Variants in ARAP2 observed in about 807,000 individuals in gnomAD.
ARAP2 encodes ArfGAP with RhoGAP domain, ankyrin repeat and PH domain 2.
A neutral mutation model predicts 194.5 loss-of-function variants in ARAP2; 148 were observed. The observed-to-expected ratio is 0.76, with a 90% CI of 0.67 to 0.87. ARAP2 has a LOEUF of 0.87. Among genes scored for constraint, ARAP2 ranks in the 40% least tolerant of loss-of-function variants. ARAP2 has a pLI of 0.00. For missense variants in ARAP2, 2,128 were observed against 1,989.7 expected, an observed-to-expected ratio of 1.07 and a Z score of -1.32; for synonymous variants, 695 against 683.5, an observed-to-expected ratio of 1.02 and a Z score of -0.26.
intron 4 of ARAP2, 134 bp downstream of exon 4, chr4:36,213,109 A>G (rs1747124453): frequency 1.5e-6 from 1 of 682,300 alleles, no homozygotes; most frequent in Non-Finnish European, 2.5e-6. Context: ...CTGAACAAAA[A>G]TTTTGCTGAC....
At chr4:36,202,002 C>A (rs1174911281) in intron 6 of ARAP2, among the ~76,000 whole-genome samples, 1 of 152,118 alleles carries the variant, frequency 6.6e-6, no homozygotes, top group East Asian at 1.9e-4. Flanking sequence ...GAAAAACATA[C>A]TTCTCAAATA....
At chr4:36,014,298 A>AG (rs1479677047) in intron 8 of ARAP2, among the ~76,000 whole-genome samples, 3 of 129,712 alleles carry the variant, frequency 2.3e-5, no homozygotes, top group African/African-American at 9.3e-5. Context: ...AGAAAGAAAG[A>AG]AGAGAAGGAA....
chr4:36,073,889 C>T, intron 31 of ARAP2, 66 bp from the exon 32 acceptor site: 2 of 1,558,680 alleles, frequency 1.3e-6, no homozygotes, highest in Non-Finnish European at 1.7e-6. Context: ...TGTCATAAAG[C>T]CACTTGGTTT....
intron 1 of ARAP2, among the ~76,000 whole-genome samples, chr4:36,060,710 T>C (rs1383899391): frequency 1.3e-5 from 2 of 152,174 alleles, no homozygotes; most frequent in African/African-American, 4.8e-5. Context: ...TGTCAGCAGG[T>C]TTGTTTTCTT....
At chr4:36,055,621 T>C (rs1022918676) in intron 2 of ARAP2, among the ~76,000 whole-genome samples, 35 of 152,284 alleles carry the variant, frequency 2.3e-4, no homozygotes, top group African/African-American at 7.9e-4. Context: ...TGGAGTGCAA[T>C]GGCGTGATCT....
At chr4:36,062,686 TCAA>T (rs1306273382), downstream of ARAP2, among the ~76,000 whole-genome samples, 3 of 151,286 alleles carry the variant, frequency 2.0e-5, no homozygotes, top group Non-Finnish European at 4.4e-5. Context: ...TTGAAAAAAG[TCAA>T]CAAGTTAACA....
chr4:36,171,070 A>T (rs1336889445), intron 9 of ARAP2, among the ~76,000 whole-genome samples: 1 of 152,162 alleles, frequency 6.6e-6, no homozygotes, highest in Non-Finnish European at 1.5e-5. Context: ...GACCAGGTTT[A>T]TTATTCAGGT....
rs145192161 is a variant in ARAP2 at position 36,116,099 on chromosome 4, T to C, written c.4038+962A>G. On this transcript the variant is annotated intron_variant, in intron 25 of 32. Coordinates refer to ENST00000303965, the MANE Select transcript of ARAP2 (RefSeq NM_015230.4). The stretch of plus-strand genomic sequence containing the variant: ...CATTATGCATTCAGTATAAGAAATA[T>C]GACATGGCCAAGGAGTGGCAAGGCA... Among the ~76,000 whole-genome samples, 470 of 152,040 alleles carry C rather than the reference T, an allele frequency of 3.1e-3. 8 individuals are homozygous for C. The highest frequency in any genetic ancestry group is 0.022 in the Admixed American group (333 of 15,258).
chr4:36,168,912 C>A (rs1578150608), intron 9 of ARAP2, among the ~76,000 whole-genome samples: 1 of 152,114 alleles, frequency 6.6e-6, no homozygotes, highest in African/African-American at 2.4e-5. Context: ...TTCCAATCTG[C>A]CGCATTTTAA....
chr4:36,009,776 G>A (rs140421159), intron 9 of ARAP2, among the ~76,000 whole-genome samples: 100 of 124,182 alleles, frequency 8.1e-4, no homozygotes, highest in East Asian at 3.2e-3. Flanking sequence ...TCTGATAGAA[G>A]CCAGGGGATG....
At chr4:36,051,491 T>A (rs1722665790) in intron 3 of ARAP2, among the ~76,000 whole-genome samples, 1 of 151,532 alleles carries the variant, frequency 6.6e-6, no homozygotes, top group South Asian at 2.1e-4. Flanking sequence ...ATAAATAAAT[T>A]AATAAATAAT....
intron 6 of ARAP2, among the ~76,000 whole-genome samples, chr4:36,206,417 C>T (rs1745549710): frequency 6.6e-6 from 1 of 152,202 alleles, no homozygotes. Context: ...AATAAAATAA[C>T]TCCAACCTCC....
intron 2 of ARAP2, among the ~76,000 whole-genome samples, chr4:36,222,781 T>C (rs749324178): frequency 6.6e-6 from 1 of 152,126 alleles, no homozygotes; most frequent in East Asian, 1.9e-4. Context: ...CATACTCTTA[T>C]GTATGTTTGA....
intron 6 of ARAP2, among the ~76,000 whole-genome samples, chr4:36,199,129 G>C (rs1489206872): frequency 6.6e-6 from 1 of 152,194 alleles, no homozygotes; most frequent in Non-Finnish European, 1.5e-5. Context: ...ATGCAGCCCT[G>C]GCCACACCTC....
intron 2 of ARAP2, among the ~76,000 whole-genome samples, chr4:36,228,296 G>C (rs1296453251): frequency 6.6e-6 from 1 of 152,092 alleles, no homozygotes; most frequent in African/African-American, 2.4e-5. Context: ...TACAATACTA[G>C]GTGTGGAAAC....
downstream of ARAP2, among the ~76,000 whole-genome samples, chr4:36,063,512 G>A (rs904823013): frequency 6.6e-6 from 1 of 150,972 alleles, no homozygotes; most frequent in Non-Finnish European, 1.5e-5. Context: ...GACCATGGAC[G>A]AAGCAGCTCC....
At chr4:36,044,409 C>T (rs992074756) in intron 5 of ARAP2, among the ~76,000 whole-genome samples, 1 of 152,020 alleles carries the variant, frequency 6.6e-6, no homozygotes, top group Non-Finnish European at 1.5e-5. Context: ...AATATGGTGT[C>T]AAGAGAGGGA....
chr4:36,107,692 C>T lies in ARAP2; in HGVS notation c.4158G>A (p.Glu1386=). The part of the protein sequence containing the change: ...TFEVIENEEL[E]RPLHYKENVL... Reference sequence around the variant, plus strand: ...CATTTTCCTTGTAGTGAAGAGGACGCTCTGTAAAAAATAAATTCCAAATCA... The same window carrying T: ...CATTTTCCTTGTAGTGAAGAGGACGTTCTGTAAAAAATAAATTCCAAATCA... Residue 1386 remains glutamate, a splice_region_variant and synonymous_variant, in exon 27 of 33, where the codon GAG becomes GAA. Transcript: ENST00000303965. 2.5e-6 allele frequency: 4 copies of T among 1,589,382 alleles called. No homozygotes were observed. Among genetic ancestry groups the T allele is most frequent in the Non-Finnish European group, 3.4e-6 (4 of 1,170,372 alleles).
chr4:36,156,998 T>A (rs1732720040), intron 15 of ARAP2, among the ~76,000 whole-genome samples: 1 of 152,176 alleles, frequency 6.6e-6, no homozygotes, highest in African/African-American at 2.4e-5. Flanking sequence ...ATCAATGAGG[T>A]ACTCAAGTAA....
Sources: gnomAD v4.1 joint callset for allele counts (sites outside exome capture counted in the v4.1 genomes callset) on GRCh38, gnomAD v4.1.1 for gene constraint, MANE v1.5 for transcripts, NCBI Gene and HGNC (gene_info 2026-07-23, HGNC 2026-07-21) for gene names.